Variants in ST6GAL1 observed in about 807,000 individuals in gnomAD.
ST6GAL1 encodes the protein ST6 beta-galactoside alpha-2,6-sialyltransferase 1.
A neutral mutation model predicts 38.0 loss-of-function variants in ST6GAL1; 20 were observed. The observed-to-expected ratio is 0.53, with a 90% CI of 0.37 to 0.77. The LOEUF (loss-of-function observed/expected upper bound fraction) is 0.77, where lower values mean the gene tolerates loss of function less well. Among genes scored for constraint, ST6GAL1 ranks in the 30% least tolerant of loss-of-function variants. ST6GAL1 has a pLI of 0.00. For missense variants in ST6GAL1, 432 were observed against 496.4 expected (o/e 0.87, Z 1.23); for synonymous variants, 196 against 188.2 (o/e 1.04, Z -0.34).
intron 2 of ST6GAL1, among the ~76,000 whole-genome samples, chr3:186,978,012 G>A (rs948426352): frequency 1.3e-5 from 2 of 152,034 alleles, no homozygotes; most frequent in Non-Finnish European, 2.9e-5. Flanking sequence ...TCAGGAGTTC[G>A]AGACCAGCCT....
In ST6GAL1 at chr3:186,930,675, G is replaced by C. The variant is rs1003902497; in HGVS notation, c.-484G>C. The C allele has an allele frequency of 2.6e-5, 4 of 152,574 alleles. No homozygotes were observed. Among genetic ancestry groups the C allele is most frequent in the African/African-American group, 9.6e-5 (4 of 41,480 alleles). 9.5% of individuals were successfully genotyped at this position (152,574 alleles called of 1,614,324 possible). A position where few individuals can be genotyped will look rare whatever the true frequency, so the allele number is the denominator to read the frequency against. Reference sequence around the variant, plus strand: ...CCGAGCGCGTTTTCTGGAGTCACCTGGGGGAGGGGAGTCCTGGGCAGGGCC... The same window carrying C: ...CCGAGCGCGTTTTCTGGAGTCACCTCGGGGAGGGGAGTCCTGGGCAGGGCC... On this transcript the variant is annotated 5_prime_UTR_variant, in exon 1 of 8. Transcript: ENST00000169298.
At chr3:186,942,887 G>C (rs55747050) in intron 1 of ST6GAL1, among the ~76,000 whole-genome samples, 5,750 of 152,242 alleles carry the variant, frequency 0.038, 164 homozygotes, top group East Asian at 0.078. Context: ...ATTTTTAGTA[G>C]AGATGAGGTT....
intron 1 of ST6GAL1, among the ~76,000 whole-genome samples, chr3:186,934,494 G>A (rs1166840254): frequency 6.6e-6 from 1 of 152,002 alleles, no homozygotes; most frequent in Admixed American, 6.6e-5. Flanking sequence ...CCTGGGAGGT[G>A]GAGGTTGCAG....
At chr3:186,943,689 C>G (rs1328872370) in intron 1 of ST6GAL1, among the ~76,000 whole-genome samples, 1 of 152,154 alleles carries the variant, frequency 6.6e-6, no homozygotes, top group Non-Finnish European at 1.5e-5. Flanking sequence ...ACCTCGTGAT[C>G]CGCCCGCCTC....
At chr3:186,990,491 C>T (rs946818150) in intron 2 of ST6GAL1, among the ~76,000 whole-genome samples, 1 of 152,120 alleles carries the variant, frequency 6.6e-6, no homozygotes, top group African/African-American at 2.4e-5. Flanking sequence ...TAGGCATAGA[C>T]TATTGATAGA....
chr3:187,074,202 CTT>C lies in ST6GAL1; in HGVS notation c.849_850del (p.Tyr284SerfsTer2). 1 of 1,612,240 alleles carries C rather than the reference CTT, an allele frequency of 6.2e-7. No homozygotes were observed. Among genetic ancestry groups the C allele is most frequent in the Non-Finnish European group, 8.5e-7 (1 of 1,179,236 alleles). ...TATAATTTCTTTAACAACTACAAGA[CTT>C]ATCGTAAGCTGCACCCCAATCAGCC... is the stretch of plus-strand genomic sequence containing the variant. On this transcript the variant is annotated frameshift_variant, in exon 7 of 8. Coordinates refer to ENST00000169298, the MANE Select transcript of ST6GAL1 (RefSeq NM_173216.2). LOFTEE classifies it high-confidence loss of function.
intron 5 of ST6GAL1, among the ~76,000 whole-genome samples, chr3:187,067,999 T>C (rs894488084): frequency 3.3e-5 from 5 of 152,204 alleles, no homozygotes; most frequent in Non-Finnish European, 5.9e-5. Flanking sequence ...AGAGCTGTGG[T>C]ACCCTACCCT....
intron 5 of ST6GAL1, among the ~76,000 whole-genome samples, chr3:187,052,889 G>A (rs368392951): frequency 2.6e-5 from 4 of 152,310 alleles, no homozygotes; most frequent in Admixed American, 1.3e-4. Flanking sequence ...TTCCACAATG[G>A]TTGAACTAGT....
At chr3:187,024,451 CACATAT>C (rs1717447370) in intron 2 of ST6GAL1, among the ~76,000 whole-genome samples, 1 of 141,252 alleles carries the variant, frequency 7.1e-6, no homozygotes, top group African/African-American at 2.7e-5. Flanking sequence ...TATACACACA[CACATAT>C]ATACACATAT....
intron 5 of ST6GAL1, among the ~76,000 whole-genome samples, chr3:187,060,156 G>A (rs774892370): frequency 2.0e-5 from 3 of 152,046 alleles, no homozygotes; most frequent in African/African-American, 4.8e-5. Flanking sequence ...GTGCTGCACC[G>A]AGGCATCTTC....
chr3:186,934,768 T>G (rs28528319), intron 1 of ST6GAL1, among the ~76,000 whole-genome samples: 1,317 of 35,964 alleles, frequency 0.037, 10 homozygotes, highest in African/African-American at 0.091. Context: ...ATGTATTTAT[T>G]TATTTATTTA....
chr3:187,045,857 G>C (rs74922371), intron 4 of ST6GAL1, among the ~76,000 whole-genome samples: 6,604 of 152,254 alleles, frequency 0.043, 475 homozygotes, highest in African/African-American at 0.15. Flanking sequence ...AGAAGCAAAG[G>C]CTGCACGGGG....
At position 187,075,887 on chromosome 3, in the gene ST6GAL1, C is replaced by T. The variant is rs116467209; in HGVS notation, c.*84C>T. ...AGCCTGGGAAGAACATTTTCCTGAA[C>T]AATTCCAGCCTGCTCCTTTTACTCT... On this transcript the variant is annotated 3_prime_UTR_variant, in exon 8 of 8. Coordinates refer to ENST00000169298, the MANE Select transcript of ST6GAL1 (RefSeq NM_173216.2). The surrounding 1 kb of genome is among the most constrained non-coding windows in gnomAD (Gnocchi z 4.1). 750 of 1,563,938 alleles carry T rather than the reference C, an allele frequency of 4.8e-4. 6 individuals are homozygous for T. The African/African-American group carries it at 7.8e-3, about 16-fold the overall frequency.
At chr3:187,046,541 G>GGGAT (rs1324409603) in intron 4 of ST6GAL1, among the ~76,000 whole-genome samples, 1 of 57,950 alleles carries the variant, frequency 1.7e-5, no homozygotes, top group Admixed American at 2.0e-4. Context: ...ACAAAGAAAA[G>GGGAT]AACAGGGAAA....
chr3:187,045,674 T>C (rs1718268764), intron 4 of ST6GAL1, among the ~76,000 whole-genome samples: 4 of 152,220 alleles, frequency 2.6e-5, no homozygotes, highest in Admixed American at 2.6e-4. Flanking sequence ...GCAGAGTGCT[T>C]GCTTCAAAGA....
intron 5 of ST6GAL1, among the ~76,000 whole-genome samples, chr3:187,066,299 A>C (rs534524286): frequency 6.6e-6 from 1 of 152,306 alleles, no homozygotes; most frequent in African/African-American, 2.4e-5. Flanking sequence ...GGATGCCTTC[A>C]GGCTGTGTCT....
At chr3:187,002,092 A>T (rs1716639833) in intron 2 of ST6GAL1, among the ~76,000 whole-genome samples, 1 of 151,920 alleles carries the variant, frequency 6.6e-6, no homozygotes, top group Non-Finnish European at 1.5e-5. Context: ...ATTTTCTGTT[A>T]TGGTGTATTT....
At chr3:187,011,944 CATT>C (rs1716967280) in intron 2 of ST6GAL1, among the ~76,000 whole-genome samples, 1 of 152,166 alleles carries the variant, frequency 6.6e-6, no homozygotes, top group Non-Finnish European at 1.5e-5. Flanking sequence ...GTTTGTTTGA[CATT>C]GTCTCATCTT....
rs1390548830 is a variant in ST6GAL1, at chr3:187,074,236, C to T, written c.882C>T (p.Tyr294=). The T allele has an allele frequency of 5.0e-6, 8 of 1,613,104 alleles. No individual in the cohort carries two copies. Among genetic ancestry groups the T allele is most frequent in the South Asian group, 1.1e-5 (1 of 90,640 alleles). Residue 294 remains tyrosine, a synonymous_variant, in exon 7 of 8, where the codon TAC becomes TAT. Coordinates refer to ENST00000169298, the MANE Select transcript of ST6GAL1 (RefSeq NM_173216.2). ...YRKLHPNQPF[Y]ILKPQMPWEL... is the part of the protein sequence containing the mutation. ...AGCTGCACCCCAATCAGCCCTTTTA[C>T]ATCCTCAAGCCCCAGATGCCTTGGG...
Sources: allele counts gnomAD v4.1 joint callset (sites outside exome capture counted in the v4.1 genomes callset), GRCh38; gene constraint gnomAD v4.1.1; non-coding constraint Gnocchi (gnomAD v3.1); transcripts MANE v1.5; gene names NCBI Gene and HGNC (gene_info 2026-07-23, HGNC 2026-07-21).